The following GRID2IP variants were observed in gnomAD, a reference collection of about 807,000 sequenced individuals.
GRID2IP encodes the protein delphilin.
GRID2IP carries 78 observed loss-of-function variants against 114.3 expected under a neutral mutation model. That is an observed-to-expected ratio of 0.68 (90% CI 0.57 to 0.82). The LOEUF is 0.82. Among genes scored for constraint, GRID2IP ranks in the 40% least tolerant of loss-of-function variants. The pLI is 0.00. For synonymous variants in GRID2IP, 809 were observed against 724.0 expected (o/e 1.12, Z -1.89); for missense variants, 1,727 against 1,678.5 (o/e 1.03, Z -0.51).
intron 2 of GRID2IP, among the ~76,000 whole-genome samples, chr7:6,537,225 CA>C (rs1036853105): frequency 1.3e-5 from 2 of 151,896 alleles, no homozygotes; most frequent in African/African-American, 4.8e-5. Flanking sequence ...GAGGACCCAC[CA>C]GTATTTTTTT....
rs142781599 is a variant in GRID2IP at position 6,548,278 on chromosome 7, G to A, written c.429+2730C>T. On this transcript the variant is annotated intron_variant, in intron 1 of 21. Coordinates refer to ENST00000457091, the MANE Select transcript of GRID2IP (RefSeq NM_001145118.2). Reference sequence around the variant, plus strand: ...TGAGCCAGGAGAATTGCTTAAACCCGGGAGGCGGAGGTTGCAGTGAGCCGA... The same window carrying A: ...TGAGCCAGGAGAATTGCTTAAACCCAGGAGGCGGAGGTTGCAGTGAGCCGA... Among the ~76,000 whole-genome samples the A allele has an allele frequency of 2.0e-3, 298 of 151,882 alleles. 1 individual carries two copies. The highest frequency in any genetic ancestry group is 6.7e-3 in the African/African-American group (279 of 41,462).
Position 6,523,510 on chromosome 7 carries a change from A to G in GRID2IP, c.920-1553T>C, listed in dbSNP as rs1359318807. ...CTAAGCATCCATTTGGCTTCCTATGACAGGAAAGGCATGGGATCACTGGCT... is the reference window on the plus strand; with the variant it reads ...CTAAGCATCCATTTGGCTTCCTATGGCAGGAAAGGCATGGGATCACTGGCT... On this transcript the variant is annotated intron_variant, in intron 4 of 21. Transcript: ENST00000457091. This position sits in a 1 kb window ranked among gnomAD's most constrained non-coding sequence, Gnocchi z 4.5. Among the ~76,000 whole-genome samples, 1 of 152,138 alleles carries G rather than the reference A, an allele frequency of 6.6e-6. No homozygotes were observed. Among genetic ancestry groups the G allele is most frequent in the Non-Finnish European group, 1.5e-5 (1 of 68,014 alleles).
At chr7:6,527,638 A>G (rs1016716159) in intron 2 of GRID2IP, among the ~76,000 whole-genome samples, 1 of 152,196 alleles carries the variant, frequency 6.6e-6, no homozygotes, top group Non-Finnish European at 1.5e-5. Flanking sequence ...CCCAGACTAC[A>G]GTACAGTGGC....
At chr7:6,504,989 T>G in intron 14 of GRID2IP, 119 bp from the exon 15 acceptor site, 1 of 770,948 alleles carries the variant, frequency 1.3e-6, no homozygotes, top group Non-Finnish European at 2.2e-6. Context: ...CTCGACTTAA[T>G]CAGCTACACG....
intron 15 of GRID2IP, among the ~76,000 whole-genome samples, chr7:6,504,258 G>C: frequency 6.7e-6 from 1 of 149,844 alleles, no homozygotes; most frequent in Non-Finnish European, 1.5e-5. Flanking sequence ...GAGCGGGGCT[G>C]CTGGTTGAGT....
In GRID2IP at chr7:6,508,115, G is replaced by A. The variant is rs1419351504; in HGVS notation, c.2414C>T (p.Pro805Leu). 5 of 1,528,776 alleles carry A rather than the reference G, an allele frequency of 3.3e-6. No individual in the cohort carries two copies. Among genetic ancestry groups the A allele is most frequent in the Non-Finnish European group, 4.4e-6 (5 of 1,138,908 alleles). The allele number at this position is 1,528,776 out of a possible 1,614,324, so 94.7% of individuals were successfully genotyped here. A position where few individuals can be genotyped will look rare whatever the true frequency, so the allele number is the denominator to read the frequency against. The change falls in exon 13 of 22, where the codon CCA (proline) becomes CTA (leucine). Residue 805 changes from proline to leucine, a missense_variant. Coordinates refer to ENST00000457091, the MANE Select transcript of GRID2IP (RefSeq NM_001145118.2). The surrounding 1 kb of genome is among the most constrained non-coding windows in gnomAD (Gnocchi z 5.6). ...CATGGGGGGTGCACAGGGCACGGGT[G>A]GGGGCAGGGGCGGTGGGGGTGGTGG... ...VPPPPPPPLP[P>L]PVPCAPPMLS...
rs200826855 is a variant in GRID2IP at position 6,529,941 on chromosome 7, T to TTC, written c.585-3174_585-3173dup. 5.2e-3 allele frequency among the ~76,000 whole-genome samples: 738 copies of TTC among 142,340 alleles called. 5 individuals carry two copies. The highest frequency in any genetic ancestry group is 0.017 in the African/African-American group (649 of 37,850). 93.4% of individuals were successfully genotyped at this position (142,340 alleles called of 152,430 possible). On this transcript the variant is annotated intron_variant, in intron 2 of 21. Coordinates refer to ENST00000457091, the MANE Select transcript of GRID2IP (RefSeq NM_001145118.2). ...TAGGGTCCTCTCTCCCCACCCAGCT[T>TTC]TCTCTCTCTCTCTCTCTCTCTTTTT...
At chr7:6,546,831 G>A (rs986753242) in intron 1 of GRID2IP, among the ~76,000 whole-genome samples, 2 of 152,152 alleles carry the variant, frequency 1.3e-5, no homozygotes, top group Admixed American at 1.3e-4. Context: ...CCTGTTTGGA[G>A]CTCTGAACGT....
At position 6,551,094 on chromosome 7, in the gene GRID2IP, G is replaced by T; in HGVS notation, c.343C>A (p.Arg115Ser). Residue 115 changes from arginine to serine, a missense_variant, in exon 1 of 22, where the codon CGT becomes AGT. By Grantham distance (110) the Arg-to-Ser change is moderately radical (BLOSUM62 -1). Coordinates refer to ENST00000457091, the MANE Select transcript of GRID2IP (RefSeq NM_001145118.2). Reference sequence around the variant, plus strand: ...CGGCCGGCCAGGCGAAGCAGCTCACGGCCCAGAGCTAGGCCGCGGCCGCAC... The same window carrying T: ...CGGCCGGCCAGGCGAAGCAGCTCACTGCCCAGAGCTAGGCCGCGGCCGCAC... ...PRCGRGLALG[R>S]ELLRLAGRKR... 1 of 1,307,250 alleles carries T rather than the reference G, an allele frequency of 7.6e-7. No homozygotes were observed. Among genetic ancestry groups the T allele is most frequent in the Non-Finnish European group, 9.7e-7 (1 of 1,032,038 alleles). The allele number at this position is 1,307,250 out of a possible 1,614,324, so 81.0% of individuals were successfully genotyped here.
At chr7:6,547,987 C>T (rs1004746477) in intron 1 of GRID2IP, among the ~76,000 whole-genome samples, 6 of 152,168 alleles carry the variant, frequency 3.9e-5, no homozygotes, top group African/African-American at 4.8e-5. Context: ...TTCCCTTCCA[C>T]GGAGGAAAAG....
chr7:6,539,615 T>C, intron 2 of GRID2IP, 103 bp downstream of exon 2: 1 of 1,103,884 alleles, frequency 9.1e-7, no homozygotes, highest in East Asian at 2.7e-5. Context: ...CCATCTATTA[T>C]CTCCCACCTG....
At position 6,548,067 on chromosome 7, in the gene GRID2IP, T is replaced by A. The variant is rs115235881; in HGVS notation, c.429+2941A>T. On this transcript the variant is annotated intron_variant, in intron 1 of 21. Transcript: ENST00000457091. ...ACTTAATTGTCCATTTTAAAATAAC[T>A]TAGGCCAGGTGCAGTAGCTCACACC... 8.6e-3 allele frequency among the ~76,000 whole-genome samples: 1,305 copies of A among 152,228 alleles called. 21 individuals carry two copies. Among genetic ancestry groups the A allele is most frequent in the African/African-American group, 0.028 (1,156 of 41,534 alleles).
chr7:6,530,659 G>C (rs1365916571), intron 2 of GRID2IP, among the ~76,000 whole-genome samples: 1 of 152,144 alleles, frequency 6.6e-6, no homozygotes. Context: ...TTCAGTATAG[G>C]GAGCACGGCA....
At chr7:6,499,967 G>A (rs1323119976) in intron 20 of GRID2IP, among the ~76,000 whole-genome samples, 1 of 151,750 alleles carries the variant, frequency 6.6e-6, no homozygotes, top group Non-Finnish European at 1.5e-5. Flanking sequence ...CTGGCCTCAA[G>A]CAATCTCTCA....
rs1329123372 is a variant in GRID2IP, at chr7:6,521,748, C to G, written c.989+140G>C. 1 of 706,680 alleles carries G rather than the reference C, an allele frequency of 1.4e-6. No individual in the cohort carries two copies. Among genetic ancestry groups the G allele is most frequent in the Non-Finnish European group, 2.4e-6 (1 of 415,492 alleles). The allele number at this position is 706,680 out of a possible 1,614,324, so 43.8% of individuals were successfully genotyped here. A position where few individuals can be genotyped will look rare whatever the true frequency, so the allele number is the denominator to read the frequency against. On this transcript the variant is annotated intron_variant, in intron 5 of 21. Transcript: ENST00000457091. The surrounding 1 kb of genome is among the most constrained non-coding windows in gnomAD (Gnocchi z 4.1). Reference sequence around the variant, plus strand: ...GAGGAGGGTTAGATTCAAGAGTTCCCATTGGAAGAGGGACAGACCCTGGGG... The same window carrying G: ...GAGGAGGGTTAGATTCAAGAGTTCCGATTGGAAGAGGGACAGACCCTGGGG...
chr7:6,513,942 C>G (rs1360460527), intron 8 of GRID2IP, among the ~76,000 whole-genome samples: 16 of 120,488 alleles, frequency 1.3e-4, no homozygotes, highest in Admixed American at 1.0e-3. Flanking sequence ...AGCAAGACTC[C>G]GTCTCAAAAA....
intron 4 of GRID2IP, among the ~76,000 whole-genome samples, chr7:6,525,213 AG>A (rs1182302546): frequency 2.0e-5 from 3 of 151,868 alleles, no homozygotes; most frequent in Admixed American, 6.6e-5. Context: ...AGGCTGAGGC[AG>A]GAGAATCGCT....
In GRID2IP at chr7:6,532,145, G is replaced by A. The variant is rs775446130; in HGVS notation, c.585-5376C>T. Among the ~76,000 whole-genome samples, 6 of 152,120 alleles carry A rather than the reference G, an allele frequency of 3.9e-5. No homozygotes were observed. Among genetic ancestry groups the A allele is most frequent in the African/African-American group, 1.2e-4 (5 of 41,436 alleles). On this transcript the variant is annotated intron_variant, in intron 2 of 21. Transcript: ENST00000457091. The surrounding 1 kb of genome is among the most constrained non-coding windows in gnomAD (Gnocchi z 4.4). ...AACAGCAGCAGGAGGGGACCCCAGC[G>A]TGCCTGCTTGCGTGTCATGTCTCAA...
chr7:6,521,660 G>T lies in GRID2IP; in HGVS notation c.990-137C>A. The T allele has an allele frequency of 1.4e-6, 1 of 706,568 alleles. No individual in the cohort carries two copies. The highest frequency in any genetic ancestry group is 2.4e-6 in the Non-Finnish European group (1 of 418,370). 43.8% of individuals were successfully genotyped at this position (706,568 alleles called of 1,614,324 possible). ...TGTGACTCTGTGTCCCCAGCATGGA[G>T]CTGGAGTATTTTCTGGTTGGAAGGA... On this transcript the variant is annotated intron_variant, in intron 5 of 21. Coordinates refer to ENST00000457091, the MANE Select transcript of GRID2IP (RefSeq NM_001145118.2). This position sits in a 1 kb window ranked among gnomAD's most constrained non-coding sequence, Gnocchi z 4.1.
Sources: gnomAD v4.1 joint callset for allele counts (sites outside exome capture counted in the v4.1 genomes callset) on GRCh38, gnomAD v4.1.1 for gene constraint, Gnocchi (gnomAD v3.1) non-coding constraint, MANE v1.5 for transcripts, NCBI Gene and HGNC (gene_info 2026-07-23, HGNC 2026-07-21) for gene names.